The following DGKB variants were observed in gnomAD, a reference collection of about 807,000 sequenced individuals.
DGKB encodes diacylglycerol kinase beta.
Under a neutral mutation model 114.3 loss-of-function variants are expected in DGKB, and 67 were observed. That is an observed-to-expected ratio of 0.59 (90% CI 0.48 to 0.72). DGKB has a LOEUF of 0.72. DGKB is among the 30% of genes least tolerant of loss of function. The pLI, the probability that DGKB is intolerant of heterozygous loss-of-function variation, is 0.00. For missense variants in DGKB, 907 were observed against 975.2 expected, an observed-to-expected ratio of 0.93 and a Z score of 0.93; for synonymous variants, 398 against 323.1, an observed-to-expected ratio of 1.23 and a Z score of -2.49.
chr7:14,326,678 G>C (rs765952207), intron 23 of DGKB, among the ~76,000 whole-genome samples: 1 of 152,222 alleles, frequency 6.6e-6, no homozygotes, highest in South Asian at 2.1e-4. Flanking sequence ...ATAATGATTT[G>C]TTTCTTAGAG....
intron 21 of DGKB, among the ~76,000 whole-genome samples, chr7:14,388,104 C>T (rs1168396069): frequency 6.6e-6 from 1 of 151,230 alleles, no homozygotes; most frequent in African/African-American, 2.4e-5. Context: ...GTCTTGAACT[C>T]CTGACCTTGT....
At chr7:14,413,496 G>A (rs1206042546) in intron 21 of DGKB, among the ~76,000 whole-genome samples, 2 of 152,254 alleles carry the variant, frequency 1.3e-5, no homozygotes, top group African/African-American at 2.4e-5. Context: ...GGTCTGGGTT[G>A]TATATAAAAG....
chr7:14,816,629 G>A (rs542399188), intron 2 of DGKB: 1 of 151,964 alleles, frequency 6.6e-6, no homozygotes, highest in South Asian at 2.1e-4. Flanking sequence ...AATTTTCTTG[G>A]TTGAAAAAAA....
chr7:14,766,526 G>C (rs115724984), intron 2 of DGKB, among the ~76,000 whole-genome samples: 265 of 151,944 alleles, frequency 1.7e-3, no homozygotes, highest in African/African-American at 6.3e-3. Context: ...TTGGAATGAG[G>C]AGTCTTCAAT....
intron 16 of DGKB, among the ~76,000 whole-genome samples, chr7:14,612,707 C>T (rs1483391143): frequency 1.3e-5 from 2 of 151,926 alleles, no homozygotes; most frequent in Admixed American, 1.3e-4. Flanking sequence ...GGTATAAATG[C>T]ATTTTTGTTT....
At chr7:14,825,016 G>GTATATATATATATATATATATATA (rs67135250) in intron 2 of DGKB, among the ~76,000 whole-genome samples, 2 of 92,380 alleles carry the variant, frequency 2.2e-5, no homozygotes, top group South Asian at 4.0e-4. Context: ...GTATGTGTAT[G>GTATATATATATATATATATATATA]TATATATATA....
chr7:14,876,467 A>G (rs1853301442), intron 1 of DGKB, among the ~76,000 whole-genome samples: 1 of 152,326 alleles, frequency 6.6e-6, no homozygotes, highest in South Asian at 2.1e-4. Flanking sequence ...GGCAAGGCCA[A>G]CAACACTCGC....
At chr7:14,330,552 G>T (rs970846952) in intron 23 of DGKB, among the ~76,000 whole-genome samples, 2 of 151,906 alleles carry the variant, frequency 1.3e-5, no homozygotes, top group Non-Finnish European at 2.9e-5. Flanking sequence ...ACCATAAAAA[G>T]TTATAGCATT....
intron 1 of DGKB, among the ~76,000 whole-genome samples, chr7:14,858,058 C>T (rs922743123): frequency 3.9e-5 from 6 of 152,076 alleles, no homozygotes; most frequent in African/African-American, 1.4e-4. Context: ...TCACATATAA[C>T]AGCATTTTTC....
At chr7:14,405,391 T>C (rs1443494744) in intron 21 of DGKB, among the ~76,000 whole-genome samples, 2 of 152,090 alleles carry the variant, frequency 1.3e-5, no homozygotes, top group East Asian at 3.9e-4. Flanking sequence ...CATGACAAGC[T>C]ACTTAATCTC....
intron 23 of DGKB, among the ~76,000 whole-genome samples, chr7:14,316,331 T>G (rs1806510197): frequency 7.2e-6 from 1 of 138,034 alleles, no homozygotes; most frequent in Admixed American, 7.3e-5. Context: ...TTCAAAAAAT[T>G]AATGAATCCA....
chr7:14,225,631 A>G (rs2128330559), intron 23 of DGKB, among the ~76,000 whole-genome samples: 1 of 152,174 alleles, frequency 6.6e-6, no homozygotes, highest in East Asian at 1.9e-4. Flanking sequence ...ATATATAGAT[A>G]TTAACAAGAG....
chr7:14,718,816 C>A (rs1261326654), intron 5 of DGKB, 131 bp from the exon 6 acceptor site: 53 of 665,392 alleles, frequency 8.0e-5, no homozygotes, highest in Non-Finnish European at 1.3e-5. Context: ...TAACCAAATT[C>A]TCTGTAAGAT....
chr7:14,650,944 C>A (rs974196526), intron 13 of DGKB, among the ~76,000 whole-genome samples: 11 of 152,094 alleles, frequency 7.2e-5, no homozygotes, highest in African/African-American at 2.7e-4. Context: ...AAGACTAAAC[C>A]AGGAAGAAGT....
At chr7:14,549,261 A>G (rs1200943470) in intron 20 of DGKB, among the ~76,000 whole-genome samples, 2 of 152,152 alleles carry the variant, frequency 1.3e-5, no homozygotes, top group African/African-American at 2.4e-5. Context: ...TGTGACATCA[A>G]GGGTGACCAT....
At chr7:14,256,443 T>G (rs1795980998) in intron 23 of DGKB, among the ~76,000 whole-genome samples, 1 of 131,002 alleles carries the variant, frequency 7.6e-6, no homozygotes, top group South Asian at 2.7e-4. Flanking sequence ...TATTTTATTT[T>G]TATTTCCATT....
chr7:14,866,170 T>TA (rs1331548344), intron 1 of DGKB, among the ~76,000 whole-genome samples: 1 of 152,176 alleles, frequency 6.6e-6, no homozygotes, highest in Non-Finnish European at 1.5e-5. Context: ...TTTTCTCATA[T>TA]CCCTGCCCAT....
intron 17 of DGKB, among the ~76,000 whole-genome samples, chr7:14,584,821 G>A (rs1800497192): frequency 6.6e-6 from 1 of 151,806 alleles, no homozygotes; most frequent in African/African-American, 2.4e-5. Context: ...CACCACGCCT[G>A]GCTAATTTTT....
At chr7:14,358,544 T>C (rs779817063) in intron 21 of DGKB, among the ~76,000 whole-genome samples, 13 of 152,136 alleles carry the variant, frequency 8.5e-5, no homozygotes, top group Non-Finnish European at 1.8e-4. Flanking sequence ...TGATTGTATA[T>C]TTAGAAAACC....
Sources: allele counts gnomAD v4.1 joint callset (sites outside exome capture counted in the v4.1 genomes callset), GRCh38; gene constraint gnomAD v4.1.1; transcripts MANE v1.5; gene names NCBI Gene and HGNC (gene_info 2026-07-23, HGNC 2026-07-21).